The following RANBP17 variants were observed in gnomAD, a reference collection of about 807,000 sequenced individuals.
RANBP17 encodes RAN binding protein 17.
RANBP17 carries 158 observed loss-of-function variants against 141.2 expected under a neutral mutation model. That is an observed-to-expected ratio of 1.12 (90% confidence interval 0.98 to 1.28). The LOEUF (loss-of-function observed/expected upper bound fraction) is 1.28, where lower values mean the gene tolerates loss of function less well. Among genes scored for constraint, RANBP17 ranks in the 50% most tolerant of loss-of-function variants. RANBP17 has a pLI of 0.00. For synonymous variants in RANBP17, 430 were observed against 450.0 expected (o/e 0.96, Z 0.56); for missense variants, 1,438 against 1,290.7 (o/e 1.11, Z -1.75).
chr5:171,000,638 T>A (rs1354167103), intron 14 of RANBP17, among the ~76,000 whole-genome samples: 1 of 152,208 alleles, frequency 6.6e-6, no homozygotes, highest in African/African-American at 2.4e-5. Flanking sequence ...CAAGTCTGTT[T>A]ATTTCATCTG....
intron 14 of RANBP17, among the ~76,000 whole-genome samples, chr5:171,121,393 G>A (rs995238934): frequency 1.3e-5 from 2 of 152,230 alleles, no homozygotes; most frequent in East Asian, 3.9e-4. Context: ...TCTTCCAAGA[G>A]CGCCTGCGGA....
chr5:171,296,101 C>T lies in RANBP17; in HGVS notation c.3170+87C>T, dbSNP rs987053965. ...ACTCTCTCGTGCTTGACACAGCTCA[C>T]ACATGGATGTCCCTTTTCTGTTACA... On this transcript the variant is annotated intron_variant, in intron 27 of 27. Transcript: ENST00000523189. 5.3e-6 allele frequency: 7 copies of T among 1,322,536 alleles called. No individual in the cohort carries two copies. The African/African-American group carries it at 8.7e-5, about 16-fold the overall frequency. 81.9% of individuals were successfully genotyped at this position (1,322,536 alleles called of 1,614,324 possible).
chr5:170,971,769 C>CT (rs1003330391), intron 14 of RANBP17, among the ~76,000 whole-genome samples: 2 of 152,168 alleles, frequency 1.3e-5, no homozygotes, highest in African/African-American at 4.8e-5. Flanking sequence ...TTTAGCCTCA[C>CT]TTTCACTGCT....
intron 24 of RANBP17, among the ~76,000 whole-genome samples, chr5:171,254,404 T>C (rs1765761285): frequency 6.6e-6 from 1 of 152,194 alleles, no homozygotes; most frequent in Admixed American, 6.5e-5. Flanking sequence ...TATTTTCAGA[T>C]GTCATTTTTT....
chr5:171,250,555 T>TA (rs1018879986), intron 24 of RANBP17, among the ~76,000 whole-genome samples: 98 of 150,844 alleles, frequency 6.5e-4, no homozygotes, highest in Admixed American at 9.9e-4. Flanking sequence ...TGAACTGATT[T>TA]AAAAAAAAAA....
chr5:170,914,278 C>T, intron 8 of RANBP17, 38 bp downstream of exon 8: 1 of 1,343,448 alleles, frequency 7.4e-7, no homozygotes, highest in Non-Finnish European at 1.1e-6. Flanking sequence ...TAAAAAATAC[C>T]TGTGTAAATA....
chr5:171,272,170 C>T (rs999331284), intron 25 of RANBP17, among the ~76,000 whole-genome samples: 3 of 152,144 alleles, frequency 2.0e-5, no homozygotes, highest in South Asian at 2.1e-4. Flanking sequence ...AAGGGAACAA[C>T]AGATACCGGG....
At chr5:171,241,622 G>T (rs1166186115) in intron 23 of RANBP17, among the ~76,000 whole-genome samples, 1 of 152,172 alleles carries the variant, frequency 6.6e-6, no homozygotes, top group African/African-American at 2.4e-5. Flanking sequence ...GGATATGTCT[G>T]TTAGACAGAA....
At chr5:171,273,415 G>T (rs191750475) in intron 25 of RANBP17, among the ~76,000 whole-genome samples, 2 of 152,062 alleles carry the variant, frequency 1.3e-5, no homozygotes, top group African/African-American at 4.8e-5. Context: ...ATGCCTGTAG[G>T]GCCAAGAAGC....
At chr5:171,252,377 G>T (rs1765629669) in intron 24 of RANBP17, 1 of 1,536,792 alleles carries the variant, frequency 6.5e-7, no homozygotes, top group Admixed American at 1.7e-5. Context: ...TGTCTTACTT[G>T]TGAAACTATG....
chr5:171,089,164 T>TTAGC (rs1403582973), intron 14 of RANBP17, among the ~76,000 whole-genome samples: 8 of 149,628 alleles, frequency 5.3e-5, no homozygotes, highest in Non-Finnish European at 8.9e-5. Context: ...TTTCTGTTTG[T>TTAGC]TTTCCTTCTA....
intron 14 of RANBP17, among the ~76,000 whole-genome samples, chr5:170,969,649 A>G (rs931940551): frequency 6.6e-6 from 1 of 152,002 alleles, no homozygotes; most frequent in African/African-American, 2.4e-5. Context: ...AAATCCTTCT[A>G]AGTGTTGTTT....
At chr5:171,227,592 A>T (rs1323618894) in intron 22 of RANBP17, among the ~76,000 whole-genome samples, 1 of 152,240 alleles carries the variant, frequency 6.6e-6, no homozygotes, top group Non-Finnish European at 1.5e-5. Context: ...TCTAGCTAAG[A>T]TTCATTTTGA....
chr5:171,183,423 A>AGAT lies in RANBP17; in HGVS notation c.2032_2034dup (p.Asp678dup), dbSNP rs1761007582. On this transcript the variant is annotated inframe_insertion, in exon 18 of 28. Transcript: ENST00000523189. ...CAGCGCTCACTCGCCTTCTGATGGT[A>AGAT]GATCTGGGTAAGGTTAAGAATTTAA... 6.2e-7 allele frequency: 1 copy of AGAT among 1,609,474 alleles called. No homozygotes were observed.
Position 170,881,884 on chromosome 5 carries a change from A to T in RANBP17, c.244A>T (p.Arg82Trp). The T allele has an allele frequency of 6.3e-7, 1 of 1,599,844 alleles. No homozygotes were observed. Among genetic ancestry groups the T allele is most frequent in the South Asian group, 1.1e-5 (1 of 87,554 alleles). The change falls in exon 3 of 28, where the codon AGG becomes TGG. Residue 82 changes from arginine (R) to tryptophan (W), a missense_variant. Transcript: ENST00000523189. ...SRVSPLPVEQRMDIRNYILNY... is the reference protein window; with the variant it reads ...SRVSPLPVEQWMDIRNYILNY... The stretch of plus-strand genomic sequence containing the variant: ...AGTCAGTCCTTTACCTGTTGAGCAG[A>T]GGATGGACATCAGTAAGTGGCTTAT...
At chr5:170,933,673 C>A (rs1028285601) in intron 12 of RANBP17, among the ~76,000 whole-genome samples, 3 of 152,050 alleles carry the variant, frequency 2.0e-5, no homozygotes, top group African/African-American at 7.3e-5. Flanking sequence ...CGTTATGTAC[C>A]CAGTAGTCAT....
intron 14 of RANBP17, among the ~76,000 whole-genome samples, chr5:171,151,915 A>G (rs1390620214): frequency 6.6e-6 from 1 of 152,176 alleles, no homozygotes; most frequent in African/African-American, 2.4e-5. Context: ...ATTTTGGTAT[A>G]TATTTAATTG....
At chr5:171,070,657 A>G (rs1288415213) in intron 14 of RANBP17, among the ~76,000 whole-genome samples, 1 of 152,124 alleles carries the variant, frequency 6.6e-6, no homozygotes, top group Admixed American at 6.6e-5. Context: ...CTACTCATGC[A>G]TTACCCATAA....
In RANBP17 at chr5:171,070,812, A is replaced by G. The variant is rs78516809; in HGVS notation, c.1711-99318A>G. Among the ~76,000 whole-genome samples the G allele has an allele frequency of 7.2e-5, 11 of 152,228 alleles. No individual in the cohort carries two copies. In the East Asian group the frequency reaches 1.5e-3, roughly 21 times the overall value. On this transcript the variant is annotated intron_variant, in intron 14 of 27. Transcript: ENST00000523189. The stretch of plus-strand genomic sequence containing the variant: ...ATGGAGACTTCTTCAGTGTATCCTC[A>G]TCATAGTTAGAACTTGATTTTTACT...
Sources: allele counts gnomAD v4.1 joint callset (sites outside exome capture counted in the v4.1 genomes callset), GRCh38; gene constraint gnomAD v4.1.1; transcripts MANE v1.5; gene names NCBI Gene and HGNC (gene_info 2026-07-23, HGNC 2026-07-21).